The following TAF4B variants were observed in gnomAD, a reference collection of about 807,000 sequenced individuals.
The protein encoded by TAF4B is TATA-box binding protein associated factor 4b, also known as transcription initiation factor TFIID subunit 4B.
In TAF4B, 38 loss-of-function variants were observed where a neutral mutation model predicts 86.4. That is an observed-to-expected ratio of 0.44 (90% CI 0.34 to 0.58). TAF4B has a LOEUF of 0.58. Among genes scored for constraint, TAF4B ranks in the 20% least tolerant of loss-of-function variants. TAF4B has a pLI of 0.02. For synonymous variants in TAF4B, 388 were observed against 391.2 expected (o/e 0.99, Z 0.10); for missense variants, 988 against 1,027.6 (o/e 0.96, Z 0.53).
At chr18:26,303,248 C>A (rs2056758613) in intron 9 of TAF4B, among the ~76,000 whole-genome samples, 1 of 124,850 alleles carries the variant, frequency 8.0e-6, no homozygotes, top group East Asian at 2.8e-4. Flanking sequence ...CTTTCATACT[C>A]CCTCCACTTT....
intron 9 of TAF4B, among the ~76,000 whole-genome samples, chr18:26,298,971 C>T (rs1219239964): frequency 6.7e-6 from 1 of 149,480 alleles, no homozygotes; most frequent in African/African-American, 2.5e-5. Context: ...AAGTGATTCT[C>T]CTGCCTCAGC....
rs532119519 is a variant in TAF4B, at chr18:26,301,995, G to A, written c.1832+8464G>A. 1.6e-4 allele frequency among the ~76,000 whole-genome samples: 24 copies of A among 152,262 alleles called. No homozygotes were observed. In the South Asian group the frequency reaches 3.1e-3, roughly 20 times the overall value. ...GAGGTTCTCTTCTCTCAGGGCTGTC[G>A]TCCCTCAAGACCTGGCTCCCTCGGC... On this transcript the variant is annotated intron_variant, in intron 9 of 14. Transcript: ENST00000269142.
In TAF4B at chr18:26,390,074, T is replaced by A. The variant is rs1978615786; in HGVS notation, c.*62T>A. ...TGCCAAAGAAGACACAAAGCATTGT[T>A]GCACTGTCCTGAAATTTCAATTTCT... On this transcript the variant is annotated 3_prime_UTR_variant, in exon 15 of 15. Transcript: ENST00000269142. 1 of 1,507,650 alleles carries A rather than the reference T, an allele frequency of 6.6e-7. No individual in the cohort carries two copies. The highest frequency in any genetic ancestry group is 1.4e-5 in the African/African-American group (1 of 71,498). 93.4% of individuals were successfully genotyped at this position (1,507,650 alleles called of 1,614,324 possible).
chr18:26,285,216 T>TTTTTTGTTTTTGTTTTTG lies in TAF4B; in HGVS notation c.973-655_973-654insGTTTTTGTTTTTGTTTTT, dbSNP rs1343650186. Among the ~76,000 whole-genome samples, 327 of 100,310 alleles carry TTTTTTGTTTTTGTTTTTG rather than the reference T, an allele frequency of 3.3e-3. 8 individuals carry two copies. The highest frequency in any genetic ancestry group is 0.014 in the African/African-American group (317 of 23,350). The allele number at this position is 100,310 out of a possible 152,430, so 65.8% of individuals were successfully genotyped here. ...AAGACTATTTCTTCCTTTCCTTTTTTTTTTTGTTTTTTTTTTTTTTGGAGA... is the reference window on the plus strand; with the variant it reads ...AAGACTATTTCTTCCTTTCCTTTTTTTTTTTGTTTTTGTTTTTGTTTTTGTTTTTTTTTTTTTTGGAGA... On this transcript the variant is annotated intron_variant, in intron 6 of 14. Transcript: ENST00000269142.
chr18:26,230,257 A>G lies in TAF4B; in HGVS notation c.343+2981A>G, dbSNP rs556032207. On this transcript the variant is annotated intron_variant, in intron 1 of 14. Coordinates refer to ENST00000269142, the MANE Select transcript of TAF4B (RefSeq NM_005640.3). ...GGGATAAATTCTGCATGACAGTCAT[A>G]CTGTACAAAAGTGTGAAAGTTACTT... Among the ~76,000 whole-genome samples the G allele has an allele frequency of 2.0e-4, 31 of 152,316 alleles. 1 individual carries two copies. Among genetic ancestry groups the G allele is most frequent in the Admixed American group, 9.2e-4 (14 of 15,300 alleles).
At chr18:26,389,179 T>G (rs1210496713) in intron 14 of TAF4B, among the ~76,000 whole-genome samples, 1 of 152,188 alleles carries the variant, frequency 6.6e-6, no homozygotes, top group Non-Finnish European at 1.5e-5. Flanking sequence ...CTTGAACAGA[T>G]TGCTTAACCT....
intron 5 of TAF4B, 48 bp downstream of exon 5, chr18:26,275,101 C>A: frequency 6.5e-7 from 1 of 1,530,186 alleles, no homozygotes; most frequent in Non-Finnish European, 8.8e-7. Context: ...ATCCATATAA[C>A]ATGTTGTAAT....
At chr18:26,277,688 A>G (rs772861145) in intron 5 of TAF4B, among the ~76,000 whole-genome samples, 10 of 152,230 alleles carry the variant, frequency 6.6e-5, no homozygotes, top group Non-Finnish European at 1.3e-4. Context: ...ATCATGGTGG[A>G]TATTCTTTAG....
intron 13 of TAF4B, among the ~76,000 whole-genome samples, chr18:26,346,413 G>A (rs183568177): frequency 7.1e-6 from 1 of 141,266 alleles, no homozygotes; most frequent in African/African-American, 2.7e-5. Context: ...AAGGAGAAAA[G>A]AAGTGAAAAG....
intron 14 of TAF4B, among the ~76,000 whole-genome samples, chr18:26,369,678 T>C (rs1477199050): frequency 2.0e-5 from 3 of 152,216 alleles, no homozygotes; most frequent in Admixed American, 2.0e-4. Flanking sequence ...CTCTTCTCTT[T>C]TGGCTCCTCT....
chr18:26,327,560 C>T (rs1568155233), intron 12 of TAF4B, among the ~76,000 whole-genome samples: 1 of 152,062 alleles, frequency 6.6e-6, no homozygotes, highest in African/African-American at 2.4e-5. Flanking sequence ...AAAAGAATAG[C>T]GAGGCTTCTT....
chr18:26,385,640 G>A (rs1371623551), intron 14 of TAF4B, among the ~76,000 whole-genome samples: 2 of 150,552 alleles, frequency 1.3e-5, no homozygotes, highest in African/African-American at 2.4e-5. Context: ...TTCTATTTCC[G>A]AAGTGAACAG....
intron 9 of TAF4B, among the ~76,000 whole-genome samples, chr18:26,294,430 AGT>A (rs2056635807): frequency 6.6e-6 from 1 of 151,668 alleles, no homozygotes; most frequent in South Asian, 2.1e-4. Context: ...TCTTTGGTGA[AGT>A]GTGTGTTCAA....
At chr18:26,330,466 A>G (rs2057041445) in intron 12 of TAF4B, among the ~76,000 whole-genome samples, 1 of 152,080 alleles carries the variant, frequency 6.6e-6, no homozygotes, top group Non-Finnish European at 1.5e-5. Context: ...AAATTCAGCC[A>G]TTTCTCTAAG....
chr18:26,349,865 A>G (rs1401297302), intron 13 of TAF4B, among the ~76,000 whole-genome samples: 1 of 152,224 alleles, frequency 6.6e-6, no homozygotes, highest in Non-Finnish European at 1.5e-5. Flanking sequence ...AAACATAAAC[A>G]TAGACCAACG....
In TAF4B at chr18:26,285,212, T is replaced by TTCC. The variant is rs1213614772; in HGVS notation, c.973-669_973-668insCCT. 2.7e-3 allele frequency among the ~76,000 whole-genome samples: 302 copies of TTCC among 112,236 alleles called. 8 individuals are homozygous for TTCC. The highest frequency in any genetic ancestry group is 0.012 in the African/African-American group (287 of 24,046). The allele number at this position is 112,236 out of a possible 152,430, so 73.6% of individuals were successfully genotyped here. On this transcript the variant is annotated intron_variant, in intron 6 of 14. Transcript: ENST00000269142. ...TTTAAAGACTATTTCTTCCTTTCCT[T>TTCC]TTTTTTTTTGTTTTTTTTTTTTTTG...
Position 26,227,226 on chromosome 18 carries a change from C to T in TAF4B, c.293C>T (p.Ala98Val), listed in dbSNP as rs778884350. Residue 98 changes from alanine to valine, a missense_variant, in exon 1 of 15, where the codon GCC (alanine) becomes GTC (valine). Ala to Val is a moderately conservative substitution (Grantham distance 64). This residue lies in a region of TAF4B where 747 missense variants were observed against 737.9 expected (regional missense o/e 1.01). Coordinates refer to ENST00000269142, the MANE Select transcript of TAF4B (RefSeq NM_005640.3). Reference protein sequence around the residue: ...LPAPQIVAVKAPNTTTIQFPA... With the variant: ...LPAPQIVAVKVPNTTTIQFPA... ...GCTCCTCAGATAGTCGCCGTGAAAG[C>T]CCCCAACACCACGACAATCCAGTTT... is the stretch of plus-strand genomic sequence containing the variant. 2.5e-6 allele frequency: 4 copies of T among 1,613,780 alleles called. No individual in the cohort carries two copies. Among genetic ancestry groups the T allele is most frequent in the Admixed American group, 1.7e-5 (1 of 60,002 alleles).
At position 26,390,722 on chromosome 18, in the gene TAF4B, A is replaced by C. The variant is rs948047502; in HGVS notation, c.*710A>C. The C allele has an allele frequency of 4.6e-5, 7 of 152,210 alleles. No individual in the cohort carries two copies. Among genetic ancestry groups the C allele is most frequent in the African/African-American group, 1.7e-4 (7 of 41,450 alleles). The allele number at this position is 152,210 out of a possible 1,614,324, so 9.4% of individuals were successfully genotyped here. A position where few individuals can be genotyped will look rare whatever the true frequency, so the allele number is the denominator to read the frequency against. ...GAAAAGGTGCAAAGTATTAGAAGGA[A>C]CGTTAGGGCGTTGCTTTCAAACTGA... On this transcript the variant is annotated 3_prime_UTR_variant, in exon 15 of 15. Transcript: ENST00000269142.
At chr18:26,231,034 C>CTTTTTTTTTTTGTTTTTTTTTTTTT (rs2055658298) in intron 1 of TAF4B, among the ~76,000 whole-genome samples, 1 of 66,164 alleles carries the variant, frequency 1.5e-5, no homozygotes, top group Non-Finnish European at 2.8e-5. Context: ...TGTTGTTTTG[C>CTTTTTTTTTTTGTTTTTTTTTTTTT]TTTTTTTTTT....
Sources: gnomAD v4.1 joint callset for allele counts (sites outside exome capture counted in the v4.1 genomes callset) on GRCh38, gnomAD v4.1.1 for gene constraint, gnomAD v4.1.1 regional missense constraint, MANE v1.5 for transcripts, NCBI Gene and HGNC (gene_info 2026-07-23, HGNC 2026-07-21) for gene names.